Variants in LAMA4 observed in about 807,000 individuals in gnomAD.
LAMA4 encodes laminin subunit alpha-4.
LAMA4 carries 127 observed loss-of-function variants against 207.1 expected under a neutral mutation model. That is an observed-to-expected ratio of 0.61 (90% CI 0.53 to 0.71). LAMA4 has a LOEUF of 0.71. Ranked by LOEUF, LAMA4 falls within the 30% of genes least tolerant of loss-of-function variation. The pLI is 0.00. For missense variants in LAMA4, 2,093 were observed against 2,246.5 expected (o/e 0.93, Z 1.38); for synonymous variants, 761 against 816.0 (o/e 0.93, Z 1.15).
At chr6:112,145,820 C>T (rs1554334403) in intron 18 of LAMA4, among the ~76,000 whole-genome samples, 1 of 152,100 alleles carries the variant, frequency 6.6e-6, no homozygotes, top group Non-Finnish European at 1.5e-5. Flanking sequence ...AGGGCAGGGA[C>T]CACGGTATAT....
intron 2 of LAMA4, 177 bp from the exon 3 acceptor site, chr6:112,216,646 T>C (rs1323851479): frequency 1.6e-6 from 1 of 629,010 alleles, no homozygotes; most frequent in Admixed American, 2.3e-5. Context: ...CATTCAGTGA[T>C]AGATGATGTA....
intron 2 of LAMA4, 157 bp downstream of exon 2, chr6:112,253,799 A>T: frequency 6.2e-7 from 1 of 1,614,230 alleles, no homozygotes; most frequent in South Asian, 1.1e-5. Context: ...TACAAAGGAA[A>T]ACTCTTTATT....
chr6:112,233,875 T>A (rs962749958), intron 2 of LAMA4, among the ~76,000 whole-genome samples: 5 of 152,326 alleles, frequency 3.3e-5, no homozygotes, highest in African/African-American at 1.2e-4. Flanking sequence ...TAGTTTAATA[T>A]CAGCAATTAA....
intron 9 of LAMA4, 44 bp from the exon 10 acceptor site, chr6:112,178,276 AG>A (rs1250886727): frequency 5.0e-6 from 7 of 1,401,274 alleles, no homozygotes; most frequent in Non-Finnish European, 7.1e-6. Flanking sequence ...GTATGAGAAA[AG>A]AATGTTGTAT....
Position 112,122,091 on chromosome 6 carries a change from T to C in LAMA4, c.4398A>G (p.Ile1466Met). 1 of 1,614,036 alleles carries C rather than the reference T, an allele frequency of 6.2e-7. No homozygotes were observed. The highest frequency in any genetic ancestry group is 8.5e-7 in the Non-Finnish European group (1 of 1,179,936). The change falls in exon 32 of 39, where the codon ATA becomes ATG. Residue 1466 changes from isoleucine to methionine, a missense_variant. Around this residue, in one of 3 missense-constraint regions of LAMA4, gnomAD observed 6 missense variants for 20.3 expected, o/e 0.30. Coordinates refer to ENST00000230538, the MANE Select transcript of LAMA4 (RefSeq NM_001105206.3). ...TTCCTCCATATTGATAGGCGTGCTCTATTGCTCTAGGGCTGTTGGAAAGGT... is the reference window on the plus strand; with the variant it reads ...TTCCTCCATATTGATAGGCGTGCTCCATTGCTCTAGGGCTGTTGGAAAGGT... ...HCHLSNSPRA[I>M]EHAYQYGGTA...
At chr6:112,135,082 C>G (rs547016053) in intron 25 of LAMA4, among the ~76,000 whole-genome samples, 2 of 151,520 alleles carry the variant, frequency 1.3e-5, no homozygotes, top group Non-Finnish European at 2.9e-5. Flanking sequence ...TCACACATTT[C>G]CCAGCATTTC....
intron 16 of LAMA4, 112 bp downstream of exon 16, chr6:112,154,739 T>A: frequency 1.3e-6 from 1 of 769,652 alleles, no homozygotes; most frequent in Non-Finnish European, 2.4e-6. Context: ...TGATATGTTA[T>A]GTAGTTATAA....
chr6:112,147,570 A>G (rs1301447608), intron 18 of LAMA4, among the ~76,000 whole-genome samples: 2 of 152,208 alleles, frequency 1.3e-5, no homozygotes, highest in South Asian at 2.1e-4. Flanking sequence ...GAAATTTCAC[A>G]AGTACTGCCT....
At chr6:112,175,171 T>G in intron 11 of LAMA4, 142 bp downstream of exon 11, 1 of 816,884 alleles carries the variant, frequency 1.2e-6, no homozygotes, top group South Asian at 1.4e-5. Context: ...TGATTCCCTG[T>G]GGCCACATGT....
At position 112,172,718 on chromosome 6, in the gene LAMA4, T is replaced by C. The variant is rs782319667; in HGVS notation, c.1444A>G (p.Asn482Asp). 33 of 1,613,818 alleles carry C rather than the reference T, an allele frequency of 2.0e-5. No individual in the cohort carries two copies. The Middle Eastern group carries it at 5.0e-4, about 24-fold the overall frequency. ...PVVLEQLDDY[N>D]AKLSDLQEAL... Reference sequence around the variant, plus strand: ...TCCTGGAGATCTGACAACTTAGCATTGTAGTCATCCAGCTGCTCCAGGACG... The same window carrying C: ...TCCTGGAGATCTGACAACTTAGCATCGTAGTCATCCAGCTGCTCCAGGACG... The change falls in exon 12 of 39, where the codon AAT (asparagine) becomes GAT (aspartate). Residue 482 changes from asparagine to aspartate, a missense_variant. Asn to Asp is a conservative substitution (Grantham distance 23). This residue lies in a region of LAMA4 where 1,704 missense variants were observed against 1,788.4 expected (regional missense o/e 0.95). Transcript: ENST00000230538.
chr6:112,132,539 T>C (rs1554330115), intron 28 of LAMA4, among the ~76,000 whole-genome samples: 3 of 152,286 alleles, frequency 2.0e-5, no homozygotes, highest in East Asian at 1.9e-4. Flanking sequence ...CCATGAACCC[T>C]TGGGGGTGGG....
intron 13 of LAMA4, among the ~76,000 whole-genome samples, chr6:112,159,242 T>C (rs1296961180): frequency 6.6e-6 from 1 of 152,232 alleles, no homozygotes; most frequent in African/African-American, 2.4e-5. Flanking sequence ...TGTTTATATA[T>C]GTTGTCTCTA....
chr6:112,122,197 C>G lies in LAMA4; in HGVS notation c.4292G>C (p.Gly1431Ala). 6.2e-7 allele frequency: 1 copy of G among 1,613,142 alleles called. No individual in the cohort carries two copies. Among genetic ancestry groups the G allele is most frequent in the Non-Finnish European group, 8.5e-7 (1 of 1,179,326 alleles). The change falls in exon 32 of 39, where the codon GGG (glycine) becomes GCG (alanine). Residue 1431 changes from glycine to alanine, a missense_variant. Around this residue, in one of 3 missense-constraint regions of LAMA4, gnomAD observed 1,704 missense variants for 1,788.4 expected, o/e 0.95. Transcript: ENST00000230538. ...KPKASQNKKG[G>A]KSKDAPSWDP... ...CCATGAAGGTGCATCTTTACTTTTCCCTCCCTATAAAAGTAAACCAAATTA... is the reference window on the plus strand; with the variant it reads ...CCATGAAGGTGCATCTTTACTTTTCGCTCCCTATAAAAGTAAACCAAATTA...
chr6:112,150,538 C>T lies in LAMA4; in HGVS notation c.2146G>A (p.Val716Ile), dbSNP rs141742906. The T allele has an allele frequency of 7.8e-5, 126 of 1,612,800 alleles. 1 individual carries two copies. The South Asian group carries it at 1.1e-3, about 14-fold the overall frequency. The change falls in exon 17 of 39, where the codon GTT (valine) becomes ATT (isoleucine). Residue 716 changes from valine to isoleucine, a missense_variant. This residue lies in a region of LAMA4 where 1,704 missense variants were observed against 1,788.4 expected (regional missense o/e 0.95). Transcript: ENST00000230538. ...SALKTRLSDAVKQLQAAERGD... is the reference protein window; with the variant it reads ...SALKTRLSDAIKQLQAAERGD... ...CTCTCTGCTGCTTGTAGTTGCTTAA[C>T]GGCATCACTGAGTCTGGTTTTAAGG...
At chr6:112,241,138 A>AAT (rs200599976) in intron 2 of LAMA4, among the ~76,000 whole-genome samples, 6 of 46,358 alleles carry the variant, frequency 1.3e-4, no homozygotes, top group African/African-American at 2.1e-4. Flanking sequence ...AATATATAGG[A>AAT]ATATATATAT....
In LAMA4 at chr6:112,139,769, T is replaced by A. The variant is rs1554332579; in HGVS notation, c.3093A>T (p.Thr1031=). The A allele has an allele frequency of 1.2e-6, 2 of 1,614,070 alleles. No individual in the cohort carries two copies. The highest frequency in any genetic ancestry group is 1.7e-6 in the Non-Finnish European group (2 of 1,179,924). The part of the protein sequence containing the change: ...FKHIYNMDPS[T]SVPCARDKLA... Reference sequence around the variant, plus strand: ...TCTCTTACCGGGCACATGGCACTGATGTGGAGGGGTCCATATTATAGATGT... The same window carrying A: ...TCTCTTACCGGGCACATGGCACTGAAGTGGAGGGGTCCATATTATAGATGT... The change falls in exon 23 of 39, where the codon ACA becomes ACT. Residue 1031 remains threonine (T), a synonymous_variant. Coordinates refer to ENST00000230538, the MANE Select transcript of LAMA4 (RefSeq NM_001105206.3).
chr6:112,141,841 G>C (rs1363287654), intron 20 of LAMA4, among the ~76,000 whole-genome samples: 1 of 152,138 alleles, frequency 6.6e-6, no homozygotes, highest in Non-Finnish European at 1.5e-5. Context: ...AAACAGAATA[G>C]GCTTCTGTCT....
chr6:112,186,162 A>C (rs1782670764), intron 8 of LAMA4, among the ~76,000 whole-genome samples: 1 of 152,250 alleles, frequency 6.6e-6, no homozygotes, highest in Non-Finnish European at 1.5e-5. Flanking sequence ...ATGAGTACTT[A>C]GTATGCCAGG....
intron 13 of LAMA4, among the ~76,000 whole-genome samples, chr6:112,162,899 A>C (rs1422336456): frequency 6.6e-6 from 1 of 151,984 alleles, no homozygotes; most frequent in African/African-American, 2.4e-5. Context: ...GCCTAGGACC[A>C]AGCACAGAGC....
Sources: gnomAD v4.1 joint callset for allele counts (sites outside exome capture counted in the v4.1 genomes callset) on GRCh38, gnomAD v4.1.1 for gene constraint, gnomAD v4.1.1 regional missense constraint, MANE v1.5 for transcripts, NCBI Gene and HGNC (gene_info 2026-07-23, HGNC 2026-07-21) for gene names.